WDR70: variants seen among roughly 807,000 people sequenced by gnomAD.
The protein encoded by WDR70 is WD repeat domain 70, also known as WD repeat-containing protein 70.
Under a neutral mutation model 88.6 loss-of-function variants are expected in WDR70, and 53 were observed. That is an observed-to-expected ratio of 0.60 (90% confidence interval 0.48 to 0.75). The LOEUF (loss-of-function observed/expected upper bound fraction) is 0.75, where lower values mean the gene tolerates loss of function less well. Ranked by LOEUF, WDR70 falls within the 30% of genes least tolerant of loss-of-function variation. The pLI is 0.00. For synonymous variants in WDR70, 280 were observed against 270.0 expected (o/e 1.04, Z -0.36); for missense variants, 610 against 823.2 (o/e 0.74, Z 3.17).
intron 9 of WDR70, among the ~76,000 whole-genome samples, chr5:37,540,057 T>A (rs1741771426): frequency 6.6e-6 from 1 of 152,250 alleles, no homozygotes; most frequent in African/African-American, 2.4e-5. Flanking sequence ...TATTAAGTTG[T>A]TATCAGAATT....
At chr5:37,440,717 G>A (rs1750629534) in intron 6 of WDR70, among the ~76,000 whole-genome samples, 1 of 152,162 alleles carries the variant, frequency 6.6e-6, no homozygotes, top group Admixed American at 6.6e-5. Flanking sequence ...CATATATACA[G>A]TCAGCAACAG....
intron 10 of WDR70, among the ~76,000 whole-genome samples, chr5:37,617,649 C>T (rs1008610996): frequency 2.0e-5 from 3 of 152,066 alleles, no homozygotes; most frequent in African/African-American, 7.2e-5. Flanking sequence ...ATTTTTTCTT[C>T]CTTACCTTTG....
At chr5:37,660,101 T>C (rs1185844265) in intron 10 of WDR70, among the ~76,000 whole-genome samples, 1 of 151,262 alleles carries the variant, frequency 6.6e-6, no homozygotes, top group Non-Finnish European at 1.5e-5. Context: ...CTGTTGATTG[T>C]TAATTAATCT....
chr5:37,404,742 C>G (rs942330571), intron 5 of WDR70, among the ~76,000 whole-genome samples: 9 of 151,928 alleles, frequency 5.9e-5, no homozygotes, highest in African/African-American at 2.2e-4. Context: ...CAATCCTGTT[C>G]CTTCTCTAAG....
At chr5:37,497,933 T>C (rs1740279652) in intron 8 of WDR70, among the ~76,000 whole-genome samples, 1 of 152,222 alleles carries the variant, frequency 6.6e-6, no homozygotes, top group East Asian at 1.9e-4. Context: ...GTGATTCTCA[T>C]GCTTCGGCCT....
chr5:37,507,320 G>A (rs1351082010), intron 8 of WDR70, among the ~76,000 whole-genome samples: 2 of 152,122 alleles, frequency 1.3e-5, no homozygotes, highest in Non-Finnish European at 1.5e-5. Flanking sequence ...GGTATTTGAG[G>A]TATCCATCAC....
chr5:37,706,627 A>G (rs1024528606), intron 13 of WDR70, among the ~76,000 whole-genome samples: 1 of 152,046 alleles, frequency 6.6e-6, no homozygotes, highest in Non-Finnish European at 1.5e-5. Context: ...CTCCCCAGCC[A>G]TGTGGAACTG....
At chr5:37,678,856 C>G (rs1247245248) in intron 10 of WDR70, among the ~76,000 whole-genome samples, 1 of 152,238 alleles carries the variant, frequency 6.6e-6, no homozygotes, top group Non-Finnish European at 1.5e-5. Flanking sequence ...CTCCCCGTCA[C>G]TTTCAGGTAC....
In WDR70 at chr5:37,381,616, A is replaced by G. The variant is rs368242222; in HGVS notation, c.106A>G (p.Thr36Ala). ...GFTGFGKKARTFDLEAMFEQT... is the reference protein window; with the variant it reads ...GFTGFGKKARAFDLEAMFEQT... ...TCATGTTTTAGGTAAAAAAGCTCGC[A>G]CATTTGACTTGGAAGCAATGTTTGA... Residue 36 changes from threonine to alanine, a missense_variant, in exon 3 of 18, where the codon ACA becomes GCA. Coordinates refer to ENST00000265107, the MANE Select transcript of WDR70 (RefSeq NM_018034.4). The G allele has an allele frequency of 3.7e-6, 6 of 1,611,256 alleles. No homozygotes were observed. The African/African-American group carries it at 8.0e-5, about 22-fold the overall frequency.
chr5:37,506,918 C>T, intron 8 of WDR70: 3 of 860,772 alleles, frequency 3.5e-6, no homozygotes, highest in Non-Finnish European at 6.0e-6. Context: ...CCTCCTCCCA[C>T]CTTTTTCTCT....
chr5:37,523,733 A>G (rs1395034737), intron 9 of WDR70, among the ~76,000 whole-genome samples: 1 of 152,214 alleles, frequency 6.6e-6, no homozygotes, highest in East Asian at 1.9e-4. Flanking sequence ...AAACCTTGAA[A>G]AAAGATTAGA....
At chr5:37,615,277 A>C (rs76104552) in intron 10 of WDR70, among the ~76,000 whole-genome samples, 2 of 152,262 alleles carry the variant, frequency 1.3e-5, no homozygotes, top group South Asian at 4.1e-4. Flanking sequence ...GTTACTAAAA[A>C]TAAAGAGGTC....
intron 9 of WDR70, among the ~76,000 whole-genome samples, chr5:37,557,957 A>ACTCTTTTGAAAACTCTTCTAAAGAGTAC: frequency 7.2e-6 from 1 of 139,252 alleles, no homozygotes; most frequent in Non-Finnish European, 1.6e-5. Flanking sequence ...TCAAAAGAGT[A>ACTCTTTTGAAAACTCTTCTAAAGAGTAC]TTATGTATAT....
intron 13 of WDR70, among the ~76,000 whole-genome samples, chr5:37,712,393 AG>A (rs1331427451): frequency 6.6e-6 from 1 of 152,208 alleles, no homozygotes; most frequent in Non-Finnish European, 1.5e-5. Context: ...GCAAATAGCC[AG>A]GTTTTGGGTT....
chr5:37,631,527 A>T (rs921761823), intron 10 of WDR70, among the ~76,000 whole-genome samples: 1 of 152,216 alleles, frequency 6.6e-6, no homozygotes, highest in Non-Finnish European at 1.5e-5. Flanking sequence ...TTTTCAATGT[A>T]CTAGCTCATT....
intron 6 of WDR70, among the ~76,000 whole-genome samples, chr5:37,441,916 G>T (rs1286287933): frequency 3.3e-5 from 5 of 152,110 alleles, no homozygotes; most frequent in Non-Finnish European, 7.4e-5. Flanking sequence ...TTCTTAGAGG[G>T]CAGTAGATCT....
chr5:37,508,903 C>A (rs1276076728), intron 8 of WDR70, among the ~76,000 whole-genome samples: 2 of 152,138 alleles, frequency 1.3e-5, no homozygotes, highest in Non-Finnish European at 2.9e-5. Flanking sequence ...GTATAGCCAA[C>A]TGGGCTGGGG....
intron 5 of WDR70, among the ~76,000 whole-genome samples, chr5:37,433,572 T>C (rs1019326712): frequency 6.6e-6 from 1 of 152,194 alleles, no homozygotes; most frequent in Non-Finnish European, 1.5e-5. Context: ...GTGCTGTATA[T>C]GTATAACACA....
chr5:37,629,529 A>T (rs1012801675), intron 10 of WDR70, among the ~76,000 whole-genome samples: 4 of 151,980 alleles, frequency 2.6e-5, no homozygotes, highest in Non-Finnish European at 4.4e-5. Flanking sequence ...AAGTTCAGAA[A>T]TTTTTTCCTC....
Sources: allele counts gnomAD v4.1 joint callset (sites outside exome capture counted in the v4.1 genomes callset), GRCh38; gene constraint gnomAD v4.1.1; transcripts MANE v1.5; gene names NCBI Gene and HGNC (gene_info 2026-07-23, HGNC 2026-07-21).